CSMD1: variants seen among roughly 807,000 people sequenced by gnomAD.
CSMD1 encodes the protein CUB and Sushi multiple domains 1.
CSMD1 carries 213 observed loss-of-function variants against 417.5 expected under a neutral mutation model. The observed-to-expected ratio is 0.51, with a 90% CI of 0.46 to 0.57. CSMD1 has a LOEUF of 0.57. Ranked by LOEUF, CSMD1 falls within the 20% of genes least tolerant of loss-of-function variation. The probability of loss-of-function intolerance (pLI) is 0.00; values close to 1 mark genes in which losing one functional copy is unlikely to be tolerated. For missense variants in CSMD1, 6,923 were observed against 4,529.7 expected (o/e 1.53, Z -15.17); for synonymous variants, 2,862 against 1,736.8 (o/e 1.65, Z -16.11).
At position 3,535,719 on chromosome 8, in the gene CSMD1, C is replaced by G. The variant is rs1054926228; in HGVS notation, c.1344+39226G>C. ...ACCCCTCATTGCTTTTTTGTTAATC[C>G]AAGTAAACTTGATTTTAACCTTCAA... On this transcript the variant is annotated intron_variant, in intron 10 of 69. Coordinates refer to ENST00000635120, the MANE Select transcript of CSMD1 (RefSeq NM_033225.6). Among the ~76,000 whole-genome samples the G allele has an allele frequency of 6.6e-5, 10 of 152,200 alleles. No individual in the cohort carries two copies. In the East Asian group the frequency reaches 1.7e-3, roughly 26 times the overall value.
At chr8:4,388,745 G>A (rs934835547) in intron 3 of CSMD1, among the ~76,000 whole-genome samples, 1 of 152,122 alleles carries the variant, frequency 6.6e-6, no homozygotes, top group Non-Finnish European at 1.5e-5. Context: ...GCAGAAAAAA[G>A]TAAAAATAAA....
intron 2 of CSMD1, among the ~76,000 whole-genome samples, chr8:4,429,388 C>G (rs372334924): frequency 6.6e-6 from 1 of 152,048 alleles, no homozygotes; most frequent in Non-Finnish European, 1.5e-5. Context: ...TCTACATATA[C>G]AAACTATATC....
chr8:4,704,447 A>G (rs1807789632), intron 1 of CSMD1, among the ~76,000 whole-genome samples: 1 of 152,166 alleles, frequency 6.6e-6, no homozygotes, highest in South Asian at 2.1e-4. Context: ...ATTTCAATAA[A>G]TATTTGCTTG....
chr8:4,814,654 G>T (rs4256614), intron 1 of CSMD1, among the ~76,000 whole-genome samples: 2 of 152,154 alleles, frequency 1.3e-5, no homozygotes, highest in Admixed American at 6.5e-5. Flanking sequence ...TATACTAGTA[G>T]GAGACTTGGT....
At chr8:3,482,335 A>G (rs1461555637) in intron 11 of CSMD1, among the ~76,000 whole-genome samples, 1 of 152,198 alleles carries the variant, frequency 6.6e-6, no homozygotes, top group Non-Finnish European at 1.5e-5. Flanking sequence ...CAAAAGACAT[A>G]CCATGTAAAT....
At chr8:3,344,580 C>A (rs1807866013) in intron 22 of CSMD1, among the ~76,000 whole-genome samples, 1 of 152,162 alleles carries the variant, frequency 6.6e-6, no homozygotes, top group African/African-American at 2.4e-5. Context: ...TAAAAATAAA[C>A]ATTTATTACA....
Position 4,903,029 on chromosome 8 carries a change from AAATAAAT to A in CSMD1, c.85+91296_85+91302del, listed in dbSNP as rs1207995385. 1.8e-3 allele frequency among the ~76,000 whole-genome samples: 261 copies of A among 146,358 alleles called. 1 individual carries two copies. Among genetic ancestry groups the A allele is most frequent in the Admixed American group, 1.7e-3 (25 of 14,654 alleles). The stretch of plus-strand genomic sequence containing the variant: ...ATTAATAATAAATAAATAAATAAAT[AAATAAAT>A]AATAAACTAAATAATAAACTTTGAA... On this transcript the variant is annotated intron_variant, in intron 1 of 69. Transcript: ENST00000635120.
At chr8:3,390,175 T>G (rs537383858) in intron 17 of CSMD1, among the ~76,000 whole-genome samples, 31 of 151,774 alleles carry the variant, frequency 2.0e-4, no homozygotes, top group African/African-American at 7.5e-4. Flanking sequence ...GCCAACCTGA[T>G]GAAAACCTGT....
At chr8:3,213,769 G>A (rs1470986155) in intron 30 of CSMD1, among the ~76,000 whole-genome samples, 2 of 150,342 alleles carry the variant, frequency 1.3e-5, no homozygotes, top group African/African-American at 4.9e-5. Flanking sequence ...GTATATATAT[G>A]TGTGTGTGTA....
intron 63 of CSMD1, among the ~76,000 whole-genome samples, chr8:2,956,288 T>C (rs973574036): frequency 6.6e-6 from 1 of 152,076 alleles, no homozygotes. Flanking sequence ...AAACTTAATA[T>C]AGATTCTTAT....
intron 3 of CSMD1, among the ~76,000 whole-genome samples, chr8:4,380,244 G>C (rs995089618): frequency 1.3e-5 from 2 of 152,288 alleles, no homozygotes; most frequent in Admixed American, 6.5e-5. Context: ...TAACCTTGCA[G>C]TGGACAAGCC....
chr8:4,545,458 G>T (rs537001546), intron 2 of CSMD1, among the ~76,000 whole-genome samples: 1 of 152,120 alleles, frequency 6.6e-6, no homozygotes, highest in Non-Finnish European at 1.5e-5. Flanking sequence ...AATAGGAAGG[G>T]CTCGTTTACC....
At chr8:3,723,020 C>G (rs1206543194) in intron 6 of CSMD1, among the ~76,000 whole-genome samples, 1 of 152,198 alleles carries the variant, frequency 6.6e-6, no homozygotes. Context: ...GCTGGGCCCT[C>G]TGAGCTGGGT....
chr8:3,802,417 CTA>C (rs1334533533), intron 5 of CSMD1, among the ~76,000 whole-genome samples: 1 of 152,102 alleles, frequency 6.6e-6, no homozygotes, highest in Non-Finnish European at 1.5e-5. Flanking sequence ...CAAACAAACA[CTA>C]TTATTCTTTA....
rs1310335032 is a variant in CSMD1 at position 4,267,054 on chromosome 8, TAA to T, written c.415+152897_415+152898del. On this transcript the variant is annotated intron_variant, in intron 3 of 69. Coordinates refer to ENST00000635120, the MANE Select transcript of CSMD1 (RefSeq NM_033225.6). The stretch of plus-strand genomic sequence containing the variant: ...GTAATGTAACAGAAACCATTCCTGT[TAA>T]AGAGACAAGAATAGAGTGTCTGTTT... Among the ~76,000 whole-genome samples the T allele has an allele frequency of 3.8e-5, 4 of 104,224 alleles. 1 individual carries two copies. Among genetic ancestry groups the T allele is most frequent in the African/African-American group, 5.2e-5 (2 of 38,528 alleles). 68.4% of individuals were successfully genotyped at this position (104,224 alleles called of 152,430 possible).
At chr8:3,023,588 C>T (rs941314173) in intron 51 of CSMD1, among the ~76,000 whole-genome samples, 5 of 152,024 alleles carry the variant, frequency 3.3e-5, no homozygotes, top group Non-Finnish European at 2.9e-5. Flanking sequence ...TTCATGGAGA[C>T]CTGAGTTTTT....
intron 1 of CSMD1, among the ~76,000 whole-genome samples, chr8:4,789,220 T>C (rs972860304): frequency 6.6e-6 from 1 of 152,214 alleles, no homozygotes; most frequent in Non-Finnish European, 1.5e-5. Context: ...GTAGTTAATA[T>C]AAAGAAGCTA....
rs561285395 is a variant in CSMD1 at position 3,359,798 on chromosome 8, C to T, written c.3116-458G>A. Reference sequence around the variant, plus strand: ...AATAAATATTTGAGGTGATGGGATTCTTAAGTATCTTGATATGTTTGTCAC... The same window carrying T: ...AATAAATATTTGAGGTGATGGGATTTTTAAGTATCTTGATATGTTTGTCAC... On this transcript the variant is annotated intron_variant, in intron 20 of 69. Transcript: ENST00000635120. 3.3e-5 allele frequency among the ~76,000 whole-genome samples: 5 copies of T among 152,176 alleles called. No individual in the cohort carries two copies. In the South Asian group the frequency reaches 1.0e-3, roughly 32 times the overall value.
Position 3,439,307 on chromosome 8 carries a change from ATATT to A in CSMD1, c.1561+29401_1561+29404del, listed in dbSNP as rs1277273018. On this transcript the variant is annotated intron_variant, in intron 12 of 69. Transcript: ENST00000635120. ...TATATATATATATATATATATATAT[ATATT>A]TTTTTTTTTAATATGTATTTTTAAT... is the stretch of plus-strand genomic sequence containing the variant. 2.3e-4 allele frequency among the ~76,000 whole-genome samples: 10 copies of A among 43,780 alleles called. No homozygotes were observed. The East Asian group carries it at 3.1e-3, about 14-fold the overall frequency. 28.7% of individuals were successfully genotyped at this position (43,780 alleles called of 152,430 possible).
Sources: allele counts gnomAD v4.1 joint callset (sites outside exome capture counted in the v4.1 genomes callset), GRCh38; gene constraint gnomAD v4.1.1; transcripts MANE v1.5; gene names NCBI Gene and HGNC (gene_info 2026-07-23, HGNC 2026-07-21).